Variants in RFX8 observed in about 807,000 individuals in gnomAD.
The protein encoded by RFX8 is DNA-binding protein RFX8.
Under a neutral mutation model 54.6 loss-of-function variants are expected in RFX8, and 46 were observed. The observed-to-expected ratio is 0.84, with a 90% CI of 0.67 to 1.08. The LOEUF (loss-of-function observed/expected upper bound fraction) is 1.08, where lower values mean the gene tolerates loss of function less well. Among genes scored for constraint, RFX8 ranks in the 50% least tolerant of loss-of-function variants. The pLI is 0.00. For synonymous variants in RFX8, 192 were observed against 209.5 expected (o/e 0.92, Z 0.72); for missense variants, 536 against 562.3 (o/e 0.95, Z 0.47).
chr2:101,413,097 C>G, intron 7 of RFX8, 26 bp from the exon 8 acceptor site: 1 of 1,537,220 alleles, frequency 6.5e-7, no homozygotes, highest in Non-Finnish European at 8.8e-7. Context: ...AGGCATAATA[C>G]TTAATTCAAT....
At chr2:101,403,679 C>T (rs1461313984) in intron 10 of RFX8, among the ~76,000 whole-genome samples, 9 of 151,862 alleles carry the variant, frequency 5.9e-5, no homozygotes, top group African/African-American at 1.9e-4. Flanking sequence ...CCCAGCTACT[C>T]GGGAGACTGA....
At chr2:101,412,867 A>G (rs1158435827) in intron 8 of RFX8, 48 bp downstream of exon 8, 3 of 1,520,230 alleles carry the variant, frequency 2.0e-6, no homozygotes, top group Non-Finnish European at 2.7e-6. Flanking sequence ...GCTAGCCCCA[A>G]ATCTATGCCC....
At chr2:101,417,972 C>T (rs145240406) in intron 5 of RFX8, among the ~76,000 whole-genome samples, 2,525 of 152,228 alleles carry the variant, frequency 0.017, 72 homozygotes, top group African/African-American at 0.056. Flanking sequence ...CTCACTGCAA[C>T]CTCCGCCTCC....
intron 2 of RFX8, chr2:101,452,253 C>T (rs11123884): frequency 6.2e-6 from 3 of 486,314 alleles, no homozygotes; most frequent in Admixed American, 4.0e-5. Flanking sequence ...GGAATTAATG[C>T]GAATTGTGGA....
At chr2:101,433,109 T>C (rs997128738) in intron 2 of RFX8, among the ~76,000 whole-genome samples, 12 of 152,268 alleles carry the variant, frequency 7.9e-5, no homozygotes, top group Admixed American at 2.6e-4. Context: ...CGCAGCACAG[T>C]GGAACCGGCC....
chr2:101,402,356 A>G (rs1445925856), intron 11 of RFX8, 80 bp downstream of exon 11: 1 of 1,178,178 alleles, frequency 8.5e-7, no homozygotes, highest in Non-Finnish European at 1.2e-6. Flanking sequence ...GGACAAAGTG[A>G]TCTTGAGGGT....
chr2:101,409,137 T>C (rs1472179661), intron 9 of RFX8, among the ~76,000 whole-genome samples: 1 of 152,220 alleles, frequency 6.6e-6, no homozygotes, highest in African/African-American at 2.4e-5. Flanking sequence ...TTCAAAGCCC[T>C]TCACAACCAC....
At chr2:101,433,556 T>C (rs561639922) in intron 2 of RFX8, among the ~76,000 whole-genome samples, 2 of 152,382 alleles carry the variant, frequency 1.3e-5, no homozygotes, top group South Asian at 4.1e-4. Context: ...GTTAGCTTAA[T>C]ATGCTTTTTG....
At chr2:101,444,760 C>T (rs1039561726) in intron 2 of RFX8, among the ~76,000 whole-genome samples, 5 of 152,144 alleles carry the variant, frequency 3.3e-5, no homozygotes, top group African/African-American at 1.2e-4. Context: ...AAAAATCATG[C>T]AGACTTGATA....
At chr2:101,408,345 C>T (rs545822463) in intron 9 of RFX8, among the ~76,000 whole-genome samples, 71 of 152,174 alleles carry the variant, frequency 4.7e-4, no homozygotes, top group African/African-American at 1.6e-3. Context: ...ATTAGCTGGG[C>T]GAGGTGGCGG....
intron 11 of RFX8, among the ~76,000 whole-genome samples, chr2:101,400,727 T>C (rs1035471292): frequency 3.3e-5 from 5 of 152,170 alleles, no homozygotes; most frequent in South Asian, 4.1e-4. Flanking sequence ...CTCCAGCCGG[T>C]GAGCGCAAAG....
chr2:101,416,274 G>T (rs1383476200), intron 6 of RFX8, among the ~76,000 whole-genome samples: 1 of 152,168 alleles, frequency 6.6e-6, no homozygotes, highest in African/African-American at 2.4e-5. Context: ...CTTGAATTCG[G>T]GCAGATGTTA....
At chr2:101,423,202 G>A (rs1425633772) in intron 2 of RFX8, among the ~76,000 whole-genome samples, 1 of 149,452 alleles carries the variant, frequency 6.7e-6, no homozygotes, top group Non-Finnish European at 1.5e-5. Context: ...AGGTTGCAGT[G>A]AGCCAAGATC....
rs1455157385 is a variant in RFX8, at chr2:101,466,803, G to A, written c.46C>T (p.Gln16Ter). The A allele has an allele frequency of 8.0e-5, 124 of 1,551,340 alleles. No homozygotes were observed. The highest frequency in any genetic ancestry group is 1.1e-4 in the Non-Finnish European group (121 of 1,146,802). ...TTCCCAAAGGTGGCCGGGTTGACTTGGTTCTCAGTGTTTTGCCCACAGGTC... is the reference window on the plus strand; with the variant it reads ...TTCCCAAAGGTGGCCGGGTTGACTTAGTTCTCAGTGTTTTGCCCACAGGTC... ...VETCGQNTENQVNPATFGKCE... is the reference protein window; with the variant it reads ...VETCGQNTEN Residue 16 changes from glutamine to a stop codon, truncating the protein, a stop_gained, in exon 2 of 12, where the codon CAA becomes TAA. Transcript: ENST00000428343. LOFTEE classifies it high-confidence loss of function.
chr2:101,421,408 T>C, intron 4 of RFX8: 2 of 1,048,350 alleles, frequency 1.9e-6, no homozygotes, highest in Non-Finnish European at 2.3e-6. Context: ...AATTCCAGGG[T>C]GAATTTTATT....
chr2:101,446,350 A>G (rs11685291), intron 2 of RFX8, among the ~76,000 whole-genome samples: 1 of 151,722 alleles, frequency 6.6e-6, no homozygotes, highest in Admixed American at 6.6e-5. Flanking sequence ...TAATTTTTGT[A>G]TTTGTGGTAG....
At chr2:101,434,464 A>G (rs1193455964) in intron 2 of RFX8, among the ~76,000 whole-genome samples, 3 of 152,190 alleles carry the variant, frequency 2.0e-5, no homozygotes, top group Admixed American at 2.0e-4. Context: ...TGTGGGAAGT[A>G]TAAGACATCC....
chr2:101,397,924 T>C (rs749629111), intron 11 of RFX8, among the ~76,000 whole-genome samples, 200 bp from the exon 12 acceptor site: 3 of 152,060 alleles, frequency 2.0e-5, no homozygotes, highest in Non-Finnish European at 4.4e-5. Context: ...CATGGCGCCA[T>C]CTCAGCTCAC....
chr2:101,421,173 C>T, intron 4 of RFX8: 1 of 840,560 alleles, frequency 1.2e-6, no homozygotes, highest in Non-Finnish European at 1.4e-6. Flanking sequence ...ACTAAAGCAT[C>T]AGGAAAAAAA....
Sources: gnomAD v4.1 joint callset for allele counts (sites outside exome capture counted in the v4.1 genomes callset) on GRCh38, gnomAD v4.1.1 for gene constraint, MANE v1.5 for transcripts, NCBI Gene and HGNC (gene_info 2026-07-23, HGNC 2026-07-21) for gene names.